The following B4GALT5 variants were observed in gnomAD, a reference collection of about 807,000 sequenced individuals.
B4GALT5 encodes beta-1,4-galactosyltransferase 5, also known as UDP-Gal:beta-GlcNAc beta-1,4-galactosyltransferase 5.
B4GALT5 carries 11 observed loss-of-function variants against 45.0 expected under a neutral mutation model. The ratio of observed to expected loss-of-function variants is 0.24; its 90% CI spans 0.15 to 0.40. B4GALT5 has a LOEUF of 0.40. B4GALT5 is among the 10% of genes least tolerant of loss of function. The probability of loss-of-function intolerance (pLI) is 1.00; values close to 1 mark genes in which losing one functional copy is unlikely to be tolerated. For synonymous variants in B4GALT5, 185 were observed against 182.9 expected, an observed-to-expected ratio of 1.01 and a Z score of -0.09; for missense variants, 337 against 500.2, an observed-to-expected ratio of 0.67 and a Z score of 3.11.
chr20:49,656,839 A>G (rs893554858), intron 1 of B4GALT5, 137 bp from the exon 2 acceptor site: 3 of 1,118,428 alleles, frequency 2.7e-6, no homozygotes, highest in African/African-American at 3.1e-5. Flanking sequence ...CTACATGACC[A>G]TAACTCTATT....
chr20:49,665,864 G>A (rs2085688247), intron 1 of B4GALT5, among the ~76,000 whole-genome samples: 3 of 151,748 alleles, frequency 2.0e-5, no homozygotes, highest in African/African-American at 7.3e-5. Context: ...GCCATCCAGG[G>A]GGAAATACAT....
chr20:49,712,391 T>C (rs1486324984), intron 1 of B4GALT5, among the ~76,000 whole-genome samples: 1 of 151,710 alleles, frequency 6.6e-6, no homozygotes, highest in Non-Finnish European at 1.5e-5. Flanking sequence ...ACCTTCATGC[T>C]GTCTTTCCTT....
chr20:49,680,396 G>A (rs1200107368), intron 1 of B4GALT5, among the ~76,000 whole-genome samples: 3 of 152,160 alleles, frequency 2.0e-5, no homozygotes, highest in Admixed American at 6.6e-5. Context: ...TGCATCCTAG[G>A]ATGTTTAGCA....
intron 5 of B4GALT5, among the ~76,000 whole-genome samples, chr20:49,641,758 A>AATCT (rs1333522386): frequency 6.6e-6 from 1 of 152,166 alleles, no homozygotes; most frequent in Admixed American, 6.5e-5. Context: ...TATTCAGGGA[A>AATCT]ATCTGTCAAC....
chr20:49,711,907 T>A (rs2085913932), intron 1 of B4GALT5, among the ~76,000 whole-genome samples: 1 of 152,172 alleles, frequency 6.6e-6, no homozygotes, highest in African/African-American at 2.4e-5. Flanking sequence ...CGTTGACAGG[T>A]CAACAGAGAA....
chr20:49,649,765 T>C (rs1056903221), intron 2 of B4GALT5, among the ~76,000 whole-genome samples: 4 of 152,170 alleles, frequency 2.6e-5, no homozygotes, highest in African/African-American at 9.7e-5. Context: ...AGGATGAATC[T>C]AATAGATGAA....
At chr20:49,694,839 T>TACACACAC (rs71339447) in intron 1 of B4GALT5, among the ~76,000 whole-genome samples, 32 of 149,702 alleles carry the variant, frequency 2.1e-4, no homozygotes, top group South Asian at 8.4e-4. Flanking sequence ...GACAGACAGA[T>TACACACAC]ACACACACAC....
At chr20:49,662,174 G>A (rs1459802190) in intron 1 of B4GALT5, among the ~76,000 whole-genome samples, 2 of 152,014 alleles carry the variant, frequency 1.3e-5, no homozygotes, top group South Asian at 2.1e-4. Context: ...TGGTTGGCTT[G>A]GTAAGCTAAA....
At chr20:49,685,458 T>TA (rs2085781362) in intron 1 of B4GALT5, among the ~76,000 whole-genome samples, 1 of 152,036 alleles carries the variant, frequency 6.6e-6, no homozygotes, top group African/African-American at 2.4e-5. Flanking sequence ...GCAGCAGGGG[T>TA]AGCAACTGCT....
chr20:49,697,409 G>A (rs577464542), intron 1 of B4GALT5, among the ~76,000 whole-genome samples: 8 of 152,336 alleles, frequency 5.3e-5, no homozygotes, highest in Non-Finnish European at 8.8e-5. Context: ...GGGACAATGG[G>A]AAAGCTTAAA....
rs201001841 is a variant in B4GALT5 at position 49,646,925 on chromosome 20, A to G, written c.364+40T>C. On this transcript the variant is annotated intron_variant, in intron 3 of 8. Transcript: ENST00000371711. Reference sequence around the variant, plus strand: ...ATCAAGAGTGCCCTCCCCTTTATCCATTTTAAAAGCAGAGGAAGACAGGCC... The same window carrying G: ...ATCAAGAGTGCCCTCCCCTTTATCCGTTTTAAAAGCAGAGGAAGACAGGCC... 11 of 1,350,134 alleles carry G rather than the reference A, an allele frequency of 8.1e-6. No individual in the cohort carries two copies. In the East Asian group the frequency reaches 2.3e-4, roughly 29 times the overall value. The allele number at this position is 1,350,134 out of a possible 1,614,324, so 83.6% of individuals were successfully genotyped here. A position where few individuals can be genotyped will look rare whatever the true frequency, so the allele number is the denominator to read the frequency against.
intron 1 of B4GALT5, among the ~76,000 whole-genome samples, chr20:49,713,188 G>T (rs904647493): frequency 6.6e-6 from 1 of 151,834 alleles, no homozygotes; most frequent in Non-Finnish European, 1.5e-5. Flanking sequence ...TGCCGGGAAT[G>T]GGGGTTCGAG....
chr20:49,651,460 G>A (rs1436484516), intron 2 of B4GALT5, among the ~76,000 whole-genome samples: 1 of 151,830 alleles, frequency 6.6e-6, no homozygotes, highest in Admixed American at 6.6e-5. Context: ...ATGGTGGTGG[G>A]TACCTGTAAT....
intron 1 of B4GALT5, among the ~76,000 whole-genome samples, chr20:49,687,974 C>T (rs943529966): frequency 6.6e-6 from 1 of 151,898 alleles, no homozygotes; most frequent in South Asian, 2.1e-4. Flanking sequence ...AAGGGTAAAC[C>T]CTTTAGGAGC....
intron 5 of B4GALT5, among the ~76,000 whole-genome samples, chr20:49,641,831 A>G (rs1439713299): frequency 2.0e-5 from 3 of 152,218 alleles, no homozygotes; most frequent in Admixed American, 2.0e-4. Context: ...AAATGCCTAC[A>G]GAAGCCAAGT....
intron 3 of B4GALT5, among the ~76,000 whole-genome samples, chr20:49,645,630 T>A (rs567387383): frequency 2.6e-5 from 4 of 151,858 alleles, no homozygotes; most frequent in Admixed American, 2.6e-4. Context: ...ATGCCTATAA[T>A]CCCAGCTACT....
intron 1 of B4GALT5, among the ~76,000 whole-genome samples, chr20:49,698,097 A>G (rs2085846761): frequency 6.6e-6 from 1 of 152,136 alleles, no homozygotes; most frequent in Non-Finnish European, 1.5e-5. Context: ...AGAGGCAGGC[A>G]GATTACCTGA....
chr20:49,681,954 G>A (rs924967357), intron 1 of B4GALT5, among the ~76,000 whole-genome samples: 5 of 152,174 alleles, frequency 3.3e-5, no homozygotes, highest in African/African-American at 7.2e-5. Flanking sequence ...AAATTAGTCC[G>A]GCATGGTGGC....
intron 1 of B4GALT5, among the ~76,000 whole-genome samples, chr20:49,662,730 T>C (rs763521081): frequency 1.3e-5 from 2 of 152,206 alleles, no homozygotes; most frequent in Non-Finnish European, 2.9e-5. Flanking sequence ...CCCCCCAAAA[T>C]GTTCTGTTAC....
Sources: gnomAD v4.1 joint callset for allele counts (sites outside exome capture counted in the v4.1 genomes callset) on GRCh38, gnomAD v4.1.1 for gene constraint, MANE v1.5 for transcripts, NCBI Gene and HGNC (gene_info 2026-07-23, HGNC 2026-07-21) for gene names.